PTPRG: variants seen among roughly 807,000 people sequenced by gnomAD.
PTPRG encodes protein tyrosine phosphatase receptor type G, also known as receptor-type tyrosine-protein phosphatase gamma.
Under a neutral mutation model 165.3 loss-of-function variants are expected in PTPRG, and 102 were observed. The ratio of observed to expected loss-of-function variants is 0.62; its 90% CI spans 0.53 to 0.73. The LOEUF (loss-of-function observed/expected upper bound fraction) is 0.73. PTPRG is among the 30% of genes least tolerant of loss of function. The pLI is 0.00. For synonymous variants in PTPRG, 675 were observed against 669.5 expected, an observed-to-expected ratio of 1.01 and a Z score of -0.13; for missense variants, 1,866 against 1,861.4, an observed-to-expected ratio of 1.00 and a Z score of -0.05.
At chr3:61,638,618 T>TGGG (rs34118063) in intron 1 of PTPRG, among the ~76,000 whole-genome samples, 2 of 116,294 alleles carry the variant, frequency 1.7e-5, no homozygotes, top group East Asian at 2.4e-4. Flanking sequence ...TTTTTTTTTT[T>TGGG]GGGGTAGAGG....
chr3:61,753,928 T>C (rs2033545518), intron 2 of PTPRG, among the ~76,000 whole-genome samples: 1 of 152,178 alleles, frequency 6.6e-6, no homozygotes, highest in Middle Eastern at 3.2e-3. Flanking sequence ...TTATTTTCTC[T>C]CTTGCCACTC....
chr3:61,701,647 C>T (rs567862414), intron 1 of PTPRG, among the ~76,000 whole-genome samples: 1 of 152,206 alleles, frequency 6.6e-6, no homozygotes, highest in South Asian at 2.1e-4. Context: ...CCTGTGATCC[C>T]AGTAGTTTGG....
At position 61,843,525 on chromosome 3, in the gene PTPRG, G is replaced by A. The variant is rs541855617; in HGVS notation, c.190+94543G>A. Among the ~76,000 whole-genome samples, 3 of 152,118 alleles carry A rather than the reference G, an allele frequency of 2.0e-5. 1 individual carries two copies. Among genetic ancestry groups the A allele is most frequent in the Non-Finnish European group, 4.4e-5 (3 of 68,012 alleles). On this transcript the variant is annotated intron_variant, in intron 2 of 29. Transcript: ENST00000474889. ...ATGAAACATTCATTGAAAAGTTTTG[G>A]TGAAGAAGAAGTTAAAATGATGACT... is the stretch of plus-strand genomic sequence containing the variant.
In PTPRG at chr3:62,222,003, A is replaced by T. The variant is rs963296180; in HGVS notation, c.2288+3020A>T. Reference sequence around the variant, plus strand: ...CCAACTCATGTGATTCTCACAACAGATCTGTACGGTAGGTACTATCACTGT... The same window carrying T: ...CCAACTCATGTGATTCTCACAACAGTTCTGTACGGTAGGTACTATCACTGT... On this transcript the variant is annotated intron_variant, in intron 13 of 29. Coordinates refer to ENST00000474889, the MANE Select transcript of PTPRG (RefSeq NM_002841.4). The surrounding 1 kb of genome is among the most constrained non-coding windows in gnomAD (Gnocchi z 4.5). Among the ~76,000 whole-genome samples, 2 of 152,210 alleles carry T rather than the reference A, an allele frequency of 1.3e-5. No homozygotes were observed. The highest frequency in any genetic ancestry group is 4.8e-5 in the African/African-American group (2 of 41,464).
Position 61,820,323 on chromosome 3 carries a change from T to C in PTPRG, c.190+71341T>C, listed in dbSNP as rs78235874. 6.7e-3 allele frequency among the ~76,000 whole-genome samples: 1,015 copies of C among 152,196 alleles called. 12 individuals are homozygous for C. Among genetic ancestry groups the C allele is most frequent in the African/African-American group, 0.023 (970 of 41,522 alleles). Reference sequence around the variant, plus strand: ...AACACTCAGGCAGAGAGAAGATGTTTTCCCTTCCTCTGCCTTTTTGTTCTA... The same window carrying C: ...AACACTCAGGCAGAGAGAAGATGTTCTCCCTTCCTCTGCCTTTTTGTTCTA... On this transcript the variant is annotated intron_variant, in intron 2 of 29. Coordinates refer to ENST00000474889, the MANE Select transcript of PTPRG (RefSeq NM_002841.4).
chr3:61,620,691 C>T (rs534781265), intron 1 of PTPRG, among the ~76,000 whole-genome samples: 2 of 151,860 alleles, frequency 1.3e-5, no homozygotes, highest in Admixed American at 6.6e-5. Flanking sequence ...TGCAATAGTG[C>T]GATTTTGGCT....
chr3:61,638,326 A>G (rs963459145), intron 1 of PTPRG, among the ~76,000 whole-genome samples: 16 of 151,912 alleles, frequency 1.1e-4, no homozygotes, highest in African/African-American at 1.7e-4. Flanking sequence ...GCTGTAGAGC[A>G]GCATCTCTCC....
intron 1 of PTPRG, among the ~76,000 whole-genome samples, chr3:61,747,101 C>G (rs112785064): frequency 4.1e-5 from 6 of 146,380 alleles, no homozygotes; most frequent in African/African-American, 1.0e-4. Flanking sequence ...CCAGCCTGTT[C>G]GACAGAGCAA....
At chr3:61,672,214 G>A (rs969499222) in intron 1 of PTPRG, among the ~76,000 whole-genome samples, 2 of 134,556 alleles carry the variant, frequency 1.5e-5, no homozygotes. Context: ...CGGCCGGGCA[G>A]AGACGCTCCT....
chr3:62,272,097 CAAAAAA>C (rs1051790182), intron 21 of PTPRG, among the ~76,000 whole-genome samples: 2 of 136,566 alleles, frequency 1.5e-5, no homozygotes, highest in African/African-American at 5.4e-5. Context: ...GATCATGACT[CAAAAAA>C]AAAAAGAAAA....
At chr3:62,065,349 C>A (rs1420466921) in intron 4 of PTPRG, among the ~76,000 whole-genome samples, 1 of 152,056 alleles carries the variant, frequency 6.6e-6, no homozygotes, top group African/African-American at 2.4e-5. Context: ...CCGCATGAGA[C>A]CAGGGCTGAA....
intron 2 of PTPRG, among the ~76,000 whole-genome samples, chr3:61,883,420 A>T (rs982914776): frequency 6.6e-6 from 1 of 152,012 alleles, no homozygotes; most frequent in African/African-American, 2.4e-5. Context: ...CTTTTCCTGG[A>T]TTGTTCCAGG....
intron 4 of PTPRG, among the ~76,000 whole-genome samples, chr3:62,059,729 A>C (rs895693214): frequency 2.0e-5 from 3 of 152,058 alleles, no homozygotes; most frequent in African/African-American, 7.2e-5. Flanking sequence ...CATAATCCTC[A>C]CATGTCATGG....
intron 2 of PTPRG, among the ~76,000 whole-genome samples, chr3:61,983,345 A>T (rs1156722795): frequency 2.0e-5 from 3 of 152,152 alleles, no homozygotes; most frequent in Admixed American, 2.0e-4. Flanking sequence ...AATGATACAC[A>T]TATTTTTGGA....
At chr3:61,835,997 G>A (rs1376808475) in intron 2 of PTPRG, among the ~76,000 whole-genome samples, 1 of 151,214 alleles carries the variant, frequency 6.6e-6, no homozygotes, top group East Asian at 2.0e-4. Flanking sequence ...CTAAGATCGC[G>A]CCATTGCACT....
chr3:61,662,199 A>G (rs2365934), intron 1 of PTPRG, among the ~76,000 whole-genome samples: 147,001 of 152,316 alleles, frequency 0.97, 71,094 homozygotes, highest in Non-Finnish European at 1. Flanking sequence ...CCTATTGACT[A>G]TGAGCTAGAC....
At chr3:61,616,957 GA>G (rs1232962403) in intron 1 of PTPRG, among the ~76,000 whole-genome samples, 1 of 152,194 alleles carries the variant, frequency 6.6e-6, no homozygotes, top group Non-Finnish European at 1.5e-5. Flanking sequence ...AACTCAGTAA[GA>G]GGGGCATAAA....
intron 1 of PTPRG, among the ~76,000 whole-genome samples, chr3:61,671,368 C>G (rs1018795939): frequency 6.6e-6 from 1 of 151,816 alleles, no homozygotes; most frequent in Non-Finnish European, 1.5e-5. Flanking sequence ...CTTCAAGCAT[C>G]TGTTTAACAA....
chr3:61,841,356 G>A lies in PTPRG; in HGVS notation c.190+92374G>A, dbSNP rs1422055941. ...TGCACTCTCTAGGTGGAGAAATTAA[G>A]AGCCTGTTGCTCTCTTTACAGTGAT... On this transcript the variant is annotated intron_variant, in intron 2 of 29. Coordinates refer to ENST00000474889, the MANE Select transcript of PTPRG (RefSeq NM_002841.4). Among the ~76,000 whole-genome samples, 3 of 152,184 alleles carry A rather than the reference G, an allele frequency of 2.0e-5. No individual in the cohort carries two copies. In the East Asian group the frequency reaches 5.8e-4, roughly 29 times the overall value.
Sources: allele counts gnomAD v4.1 joint callset (sites outside exome capture counted in the v4.1 genomes callset), GRCh38; gene constraint gnomAD v4.1.1; non-coding constraint Gnocchi (gnomAD v3.1); transcripts MANE v1.5; gene names NCBI Gene and HGNC (gene_info 2026-07-23, HGNC 2026-07-21).